The following HK1 variants were observed in gnomAD, a reference collection of about 807,000 sequenced individuals.
HK1 encodes hexokinase-1.
Under a neutral mutation model 91.6 loss-of-function variants are expected in HK1, and 28 were observed. That is an observed-to-expected ratio of 0.31 (90% confidence interval 0.23 to 0.42). The LOEUF (loss-of-function observed/expected upper bound fraction) is 0.42, where lower values mean the gene tolerates loss of function less well. Ranked by LOEUF, HK1 falls within the 10% of genes least tolerant of loss-of-function variation. The probability of loss-of-function intolerance (pLI) is 1.00; values close to 1 mark genes in which losing one functional copy is unlikely to be tolerated. For synonymous variants in HK1, 430 were observed against 468.1 expected, an observed-to-expected ratio of 0.92 and a Z score of 1.05; for missense variants, 770 against 1,219.8, an observed-to-expected ratio of 0.63 and a Z score of 5.49.
chr10:69,368,764 G>T, intron 5 of HK1, 133 bp downstream of exon 5: 1 of 741,660 alleles, frequency 1.3e-6, no homozygotes. Flanking sequence ...GGAGAGTTGA[G>T]GGCTCACAGT....
intron 1 of HK1, among the ~76,000 whole-genome samples, chr10:69,328,362 G>A (rs1403436333): frequency 2.0e-5 from 3 of 152,308 alleles, no homozygotes; most frequent in East Asian, 1.9e-4. Context: ...AGGGAAGGGG[G>A]CATTCAGTGC....
chr10:69,378,466 G>A (rs908364983), intron 8 of HK1, among the ~76,000 whole-genome samples: 1 of 152,122 alleles, frequency 6.6e-6, no homozygotes, highest in African/African-American at 2.4e-5. Flanking sequence ...AAGAAAAGAC[G>A]AGAGATAAAT....
At chr10:69,329,687 A>G (rs1847596837) in intron 1 of HK1, among the ~76,000 whole-genome samples, 1 of 152,172 alleles carries the variant, frequency 6.6e-6, no homozygotes, top group Non-Finnish European at 1.5e-5. Flanking sequence ...TCTTTCCACC[A>G]TTACACCCAA....
intron 1 of HK1, among the ~76,000 whole-genome samples, chr10:69,276,118 A>AAAATATATATATATAAAT: frequency 2.6e-5 from 1 of 38,262 alleles, no homozygotes; most frequent in Admixed American, 5.6e-4. Flanking sequence ...AAAAAAAAAA[A>AAAATATATATATATAAAT]ATACATATAT....
chr10:69,323,890 G>A lies in HK1; in HGVS notation c.63+4880G>A, dbSNP rs1847182634. On this transcript the variant is annotated intron_variant, in intron 1 of 17. Coordinates refer to ENST00000359426, the MANE Select transcript of HK1 (RefSeq NM_000188.3). ...ACTGTCTGTGTGTGTCTGCAGTCAG[G>A]GATTCCTGGCAGACAGATTTAGCCA... Among the ~76,000 whole-genome samples, 2 of 152,148 alleles carry A rather than the reference G, an allele frequency of 1.3e-5. 1 individual carries two copies. The highest frequency in any genetic ancestry group is 4.1e-4 in the South Asian group (2 of 4,824).
intron 7 of HK1, among the ~76,000 whole-genome samples, chr10:69,376,114 A>G (rs1255313372): frequency 6.6e-6 from 1 of 152,152 alleles, no homozygotes. Flanking sequence ...CAGCGGCCCC[A>G]GGGGGAGTGG....
At chr10:69,300,724 C>T (rs544437994) in intron 4 of HK1, 4 of 1,107,994 alleles carry the variant, frequency 3.6e-6, no homozygotes, top group East Asian at 4.7e-5. Flanking sequence ...CAGACGATGA[C>T]TTTGGAGCAT....
intron 17 of HK1, among the ~76,000 whole-genome samples, chr10:69,400,265 C>A (rs1227445149): frequency 1.3e-5 from 2 of 152,218 alleles, no homozygotes; most frequent in African/African-American, 4.8e-5. Context: ...CGCACTCCGC[C>A]CACCTAATAG....
chr10:69,278,116 G>GT (rs1433852784), intron 1 of HK1, among the ~76,000 whole-genome samples: 6 of 152,212 alleles, frequency 3.9e-5, no homozygotes, highest in Non-Finnish European at 8.8e-5. Context: ...TGATGGTAGG[G>GT]TTAGGACTGA....
At chr10:69,276,115 A>T (rs1564746770) in intron 1 of HK1, among the ~76,000 whole-genome samples, 1 of 71,854 alleles carries the variant, frequency 1.4e-5, no homozygotes, top group East Asian at 6.0e-4. Flanking sequence ...AAAAAAAAAA[A>T]AAAATACATA....
chr10:69,356,122 C>T (rs780973068), intron 2 of HK1, among the ~76,000 whole-genome samples: 5 of 152,068 alleles, frequency 3.3e-5, no homozygotes, highest in Admixed American at 1.3e-4. Flanking sequence ...AAAGAAAAAA[C>T]GTAAAACTGG....
Position 69,398,750 on chromosome 10 carries a change from A to C in HK1, c.2531A>C (p.Lys844Thr). Residue 844 changes from lysine to threonine, a missense_variant, in exon 17 of 18, where the codon AAG (lysine) becomes ACG (threonine). Transcript: ENST00000359426. The stretch of plus-strand genomic sequence containing the variant: ...GCAGGCATGGCTGCGGTTGTGGATA[A>C]GATCCGCGAGAACAGAGGACTGGAC... ...CGAGMAAVVD[K>T]IRENRGLDRL... is the part of the protein sequence containing the mutation. 6.2e-7 allele frequency: 1 copy of C among 1,614,238 alleles called. No homozygotes were observed. Among genetic ancestry groups the C allele is most frequent in the Non-Finnish European group, 8.5e-7 (1 of 1,180,036 alleles).
chr10:69,338,332 C>T (rs1848104262), intron 1 of HK1: 8 of 1,185,184 alleles, frequency 6.8e-6, no homozygotes, highest in African/African-American at 1.6e-5. Context: ...GGACCCAGCT[C>T]GGTGTCTGAT....
At chr10:69,312,016 G>C (rs911886779), upstream of HK1, among the ~76,000 whole-genome samples, 2 of 152,122 alleles carry the variant, frequency 1.3e-5, no homozygotes, top group Non-Finnish European at 1.5e-5. Flanking sequence ...AAAGGGACAG[G>C]GTGGGACTCG....
chr10:69,379,557 G>T, intron 8 of HK1, among the ~76,000 whole-genome samples: 1 of 152,300 alleles, frequency 6.6e-6, no homozygotes, highest in South Asian at 2.1e-4. Context: ...ATGAGCCCTG[G>T]GTGGTGGCAG....
chr10:69,317,888 C>T (rs1309379917), upstream of HK1, among the ~76,000 whole-genome samples: 3 of 152,224 alleles, frequency 2.0e-5, no homozygotes, highest in Non-Finnish European at 4.4e-5. Flanking sequence ...TCTAAGAATC[C>T]TAAAGTGGCT....
rs755788387 is a variant in HK1 at position 69,369,563 on chromosome 10, G to A, written c.814G>A (p.Asp272Asn). 2 of 1,614,110 alleles carry A rather than the reference G, an allele frequency of 1.2e-6. No individual in the cohort carries two copies. Among genetic ancestry groups the A allele is most frequent in the South Asian group, 1.1e-5 (1 of 91,084 alleles). ...GAFGDDGSLE[D>N]IRTEFDREID... ...CTTTGGAGACGATGGATCATTAGAA[G>A]ACATCCGGACAGAGTTTGACAGGGA... The change falls in exon 7 of 18, where the codon GAC (aspartate) becomes AAC (asparagine). Residue 272 changes from aspartate (D) to asparagine (N), a missense_variant. By Grantham distance (23) the Asp-to-Asn change is conservative. Coordinates refer to ENST00000359426, the MANE Select transcript of HK1 (RefSeq NM_000188.3). The surrounding 1 kb of genome is among the most constrained non-coding windows in gnomAD (Gnocchi z 4.4).
chr10:69,305,943 C>A (rs1846082599), intron 5 of HK1, among the ~76,000 whole-genome samples: 1 of 151,730 alleles, frequency 6.6e-6, no homozygotes, highest in Non-Finnish European at 1.5e-5. Flanking sequence ...GAGTCTCAAT[C>A]AATTTAGAGT....
intron 1 of HK1, among the ~76,000 whole-genome samples, chr10:69,272,882 A>G (rs1010867323): frequency 1.3e-5 from 2 of 148,400 alleles, no homozygotes; most frequent in African/African-American, 2.5e-5. Context: ...ATGACTCATT[A>G]TTTCTCCTCT....
Sources: allele counts gnomAD v4.1 joint callset (sites outside exome capture counted in the v4.1 genomes callset), GRCh38; gene constraint gnomAD v4.1.1; non-coding constraint Gnocchi (gnomAD v3.1); transcripts MANE v1.5; gene names NCBI Gene and HGNC (gene_info 2026-07-23, HGNC 2026-07-21).